PTPN13: variants seen among roughly 807,000 people sequenced by gnomAD.
The protein encoded by PTPN13 is protein tyrosine phosphatase non-receptor type 13.
In PTPN13, 191 loss-of-function variants were observed where a neutral mutation model predicts 284.0. That is an observed-to-expected ratio of 0.67 (90% CI 0.60 to 0.76). The LOEUF (loss-of-function observed/expected upper bound fraction) is 0.76. Among genes scored for constraint, PTPN13 ranks in the 30% least tolerant of loss-of-function variants. PTPN13 has a pLI of 0.00. For missense variants in PTPN13, 2,797 were observed against 2,939.9 expected, an observed-to-expected ratio of 0.95 and a Z score of 1.12; for synonymous variants, 986 against 1,022.3, an observed-to-expected ratio of 0.96 and a Z score of 0.68.
intron 40 of PTPN13, 94 bp from the exon 41 acceptor site, chr4:86,796,780 C>T: frequency 1.3e-6 from 1 of 765,546 alleles, no homozygotes; most frequent in Non-Finnish European, 2.2e-6. Context: ...TGAACAATAA[C>T]AGTAAATATA....
chr4:86,694,110 T>C (rs1311452623), intron 6 of PTPN13, among the ~76,000 whole-genome samples: 1 of 151,774 alleles, frequency 6.6e-6, no homozygotes, highest in African/African-American at 2.4e-5. Context: ...TTTTTTTAAA[T>C]GCTAGTAATA....
chr4:86,716,545 A>C lies in PTPN13; in HGVS notation c.1211A>C (p.Tyr404Ser). ...AMNVEEPVRR[Y>S]KTYHGDVFST... is the part of the protein sequence containing the mutation. ...ATCCTTTTAGAACCAGTTCGAAGAT[A>C]CAAAACTTATCATGGTGATGTCTTT... The change falls in exon 8 of 48, where the codon TAC becomes TCC. Residue 404 changes from tyrosine (Y) to serine (S), a missense_variant. Coordinates refer to ENST00000411767, the MANE Select transcript of PTPN13 (RefSeq NM_080683.3). 1 of 1,588,406 alleles carries C rather than the reference A, an allele frequency of 6.3e-7. No individual in the cohort carries two copies. Among genetic ancestry groups the C allele is most frequent in the Non-Finnish European group, 8.6e-7 (1 of 1,167,458 alleles).
chr4:86,774,625 C>G, intron 33 of PTPN13, 94 bp downstream of exon 33: 4 of 1,208,864 alleles, frequency 3.3e-6, no homozygotes, highest in Non-Finnish European at 4.4e-6. Flanking sequence ...CTGTATTTAT[C>G]TATTCGGTTT....
chr4:86,691,317 T>C (rs1409000627), intron 5 of PTPN13, among the ~76,000 whole-genome samples: 5 of 151,916 alleles, frequency 3.3e-5, no homozygotes, highest in South Asian at 2.1e-4. Context: ...TGAACCTGGA[T>C]AAAGGCTGTG....
intron 2 of PTPN13, among the ~76,000 whole-genome samples, chr4:86,647,435 C>T (rs1356289015): frequency 6.6e-6 from 1 of 151,418 alleles, no homozygotes; most frequent in Admixed American, 6.6e-5. Flanking sequence ...GTAGACTACT[C>T]ACCTTTAAAA....
chr4:86,811,020 A>G (rs755365834), intron 46 of PTPN13, 26 bp from the exon 47 acceptor site: 89 of 1,601,640 alleles, frequency 5.6e-5, no homozygotes, highest in Non-Finnish European at 7.5e-5. Flanking sequence ...CTTTGAATCT[A>G]ACACATATGT....
Position 86,763,097 on chromosome 4 carries a change from C to T in PTPN13, c.3924C>T (p.Gly1308=), listed in dbSNP as rs754752868. 1 of 1,613,554 alleles carries T rather than the reference C, an allele frequency of 6.2e-7. No individual in the cohort carries two copies. Among genetic ancestry groups the T allele is most frequent in the Non-Finnish European group, 8.5e-7 (1 of 1,179,830 alleles). Residue 1308 remains glycine (G), a synonymous_variant, in exon 24 of 48, where the codon GGC becomes GGT. Coordinates refer to ENST00000411767, the MANE Select transcript of PTPN13 (RefSeq NM_080683.3). ...DSNQSKTKKP[G]ISDVTDYSDR... is the part of the protein sequence containing the mutation. ...ACCAAAGCAAAACTAAAAAGCCAGG[C>T]ATTTCTGATGTAACTGATTACTCAG...
Position 86,781,250 on chromosome 4 carries a change from C to T in PTPN13, c.5962+778C>T, listed in dbSNP as rs534744987. Reference sequence around the variant, plus strand: ...AATAGAGGTTCTTAAATGTATTTACCTATATTTGTTTCTTTCTTTGTTTTG... The same window carrying T: ...AATAGAGGTTCTTAAATGTATTTACTTATATTTGTTTCTTTCTTTGTTTTG... On this transcript the variant is annotated intron_variant, in intron 36 of 47. Transcript: ENST00000411767. 5.9e-5 allele frequency among the ~76,000 whole-genome samples: 9 copies of T among 152,008 alleles called. No homozygotes were observed. In the South Asian group the frequency reaches 1.9e-3, roughly 32 times the overall value.
At chr4:86,660,139 A>T (rs566611627) in intron 2 of PTPN13, among the ~76,000 whole-genome samples, 2 of 152,348 alleles carry the variant, frequency 1.3e-5, no homozygotes, top group African/African-American at 4.8e-5. Context: ...ATTTAAAATT[A>T]TAAGTAAAAC....
chr4:86,691,573 T>C (rs1324292595), intron 5 of PTPN13, among the ~76,000 whole-genome samples: 2 of 152,228 alleles, frequency 1.3e-5, no homozygotes, highest in Non-Finnish European at 2.9e-5. Context: ...TTGTTTACTT[T>C]GTGCCAGACA....
At chr4:86,771,667 C>T in intron 31 of PTPN13, 132 bp downstream of exon 31, 2 of 983,378 alleles carry the variant, frequency 2.0e-6, no homozygotes, top group Non-Finnish European at 2.9e-6. Flanking sequence ...GAGGATGACT[C>T]TATTGGATGT....
chr4:86,801,019 C>T (rs1743970598), intron 42 of PTPN13, among the ~76,000 whole-genome samples: 1 of 152,212 alleles, frequency 6.6e-6, no homozygotes, highest in African/African-American at 2.4e-5. Context: ...GCTGCATCAT[C>T]AAAATGCTTT....
rs1313786131 is a variant in PTPN13 at position 86,744,995 on chromosome 4, A to C, written c.2517A>C (p.Ser839=). The C allele has an allele frequency of 1.3e-6, 2 of 1,589,464 alleles. No homozygotes were observed. The highest frequency in any genetic ancestry group is 2.3e-5 in the South Asian group (2 of 87,288). ...AGAAAATCACATTGCAAAATACATCAGATGGAATAAAACATGGCTTCCAGA... is the reference window on the plus strand; with the variant it reads ...AGAAAATCACATTGCAAAATACATCCGATGGAATAAAACATGGCTTCCAGA... ...SKKKITLQNT[S]DGIKHGFQTD... The change falls in exon 17 of 48, where the codon TCA becomes TCC. Residue 839 remains serine (S), a synonymous_variant. Coordinates refer to ENST00000411767, the MANE Select transcript of PTPN13 (RefSeq NM_080683.3).
intron 1 of PTPN13, among the ~76,000 whole-genome samples, chr4:86,621,041 T>G (rs537372393): frequency 6.6e-6 from 1 of 152,338 alleles, no homozygotes; most frequent in African/African-American, 2.4e-5. Flanking sequence ...TTCTCTTTCA[T>G]GTAGGACACC....
chr4:86,686,477 C>T (rs1344431239), intron 3 of PTPN13, among the ~76,000 whole-genome samples: 1 of 152,086 alleles, frequency 6.6e-6, no homozygotes, highest in Non-Finnish European at 1.5e-5. Context: ...GCTAACAAAA[C>T]TGATTATGCA....
chr4:86,814,699 TAAA>T lies in PTPN13; in HGVS notation c.*152_*154del. On this transcript the variant is annotated 3_prime_UTR_variant, in exon 48 of 48. Transcript: ENST00000411767. ...CTTAGAGGGGTATTCTTCTTGAAAA[TAAA>T]AAATATTGAAATGCTGTATTTTTAC... 1 of 582,338 alleles carries T rather than the reference TAAA, an allele frequency of 1.7e-6. No homozygotes were observed. The allele number at this position is 582,338 out of a possible 1,614,324, so 36.1% of individuals were successfully genotyped here.
intron 40 of PTPN13, among the ~76,000 whole-genome samples, chr4:86,794,701 T>G (rs577423097): frequency 6.6e-6 from 1 of 152,028 alleles, no homozygotes; most frequent in African/African-American, 2.4e-5. Context: ...AAAACAGATA[T>G]AAAGACCAAT....
In PTPN13 at chr4:86,701,298, C is replaced by A. The variant is rs1371580673; in HGVS notation, c.692C>A (p.Thr231Asn). 1 of 1,611,470 alleles carries A rather than the reference C, an allele frequency of 6.2e-7. No individual in the cohort carries two copies. Among genetic ancestry groups the A allele is most frequent in the African/African-American group, 1.3e-5 (1 of 74,922 alleles). ...DIQKPPLSHQ[T>N]FLNKGLSKSM... ...CAAAAGCCTCCACTCTCTCATCAGA[C>A]CTTTCTTAACAAAGGGCTTAGTAAA... is the stretch of plus-strand genomic sequence containing the variant. The change falls in exon 7 of 48, where the codon ACC becomes AAC. Residue 231 changes from threonine to asparagine, a missense_variant. Physicochemically the swap from Thr to Asn is moderately conservative, Grantham distance 65. Coordinates refer to ENST00000411767, the MANE Select transcript of PTPN13 (RefSeq NM_080683.3).
At position 86,601,258 on chromosome 4, in the gene PTPN13, G is replaced by T. The variant is rs112390123; in HGVS notation, c.-6+6469G>T. 5.9e-5 allele frequency among the ~76,000 whole-genome samples: 9 copies of T among 151,644 alleles called. No individual in the cohort carries two copies. In the East Asian group the frequency reaches 1.2e-3, roughly 20 times the overall value. ...TAGAAACTTTAGTTTGGGAATGTTC[G>T]GTTATCAAATCTACACCAGATAAAA... On this transcript the variant is annotated intron_variant, in intron 1 of 47. Coordinates refer to ENST00000411767, the MANE Select transcript of PTPN13 (RefSeq NM_080683.3).
Sources: gnomAD v4.1 joint callset for allele counts (sites outside exome capture counted in the v4.1 genomes callset) on GRCh38, gnomAD v4.1.1 for gene constraint, MANE v1.5 for transcripts, NCBI Gene and HGNC (gene_info 2026-07-23, HGNC 2026-07-21) for gene names.